Variants in ADCY2 observed in about 807,000 individuals in gnomAD.
ADCY2 encodes adenylate cyclase type 2.
ADCY2 carries 31 observed loss-of-function variants against 125.2 expected under a neutral mutation model. The ratio of observed to expected loss-of-function variants is 0.25; its 90% confidence interval spans 0.19 to 0.33. ADCY2 has a LOEUF of 0.33. Ranked by LOEUF, ADCY2 falls within the 10% of genes least tolerant of loss-of-function variation. The probability of loss-of-function intolerance (pLI) is 1.00; values close to 1 mark genes in which losing one functional copy is unlikely to be tolerated. For missense variants in ADCY2, 904 were observed against 1,418.2 expected (o/e 0.64, Z 5.82); for synonymous variants, 512 against 548.4 (o/e 0.93, Z 0.93).
intron 14 of ADCY2, among the ~76,000 whole-genome samples, chr5:7,730,393 A>G (rs1057288423): frequency 5.3e-5 from 8 of 152,176 alleles, no homozygotes; most frequent in African/African-American, 1.7e-4. Flanking sequence ...CTTCAATGTC[A>G]TTATTTCCTA....
chr5:7,596,344 A>T (rs936274264), intron 3 of ADCY2, among the ~76,000 whole-genome samples: 1 of 152,170 alleles, frequency 6.6e-6, no homozygotes, highest in African/African-American at 2.4e-5. Flanking sequence ...GTCCACACGA[A>T]TAAGTATCTC....
rs1305619781 is a variant in ADCY2, at chr5:7,709,295, C to A, written c.1486C>A (p.Arg496=). The change falls in exon 10 of 25, where the codon CGG becomes AGG. Residue 496 remains arginine, a synonymous_variant. Coordinates refer to ENST00000338316, the MANE Select transcript of ADCY2 (RefSeq NM_020546.3). This position sits in a 1 kb window ranked among gnomAD's most constrained non-coding sequence, Gnocchi z 4.4. ...AKMRASVRMT[R]YLESWGAAKP... ...AATGAGGGCCTCGGTCCGCATGACC[C>A]GGTACTTGGAGTCCTGGGGGGCAGC... 6.2e-7 allele frequency: 1 copy of A among 1,613,922 alleles called. No homozygotes were observed. The highest frequency in any genetic ancestry group is 1.1e-5 in the South Asian group (1 of 91,026).
At chr5:7,652,814 A>G (rs926047854) in intron 4 of ADCY2, among the ~76,000 whole-genome samples, 1 of 152,186 alleles carries the variant, frequency 6.6e-6, no homozygotes, top group Non-Finnish European at 1.5e-5. Flanking sequence ...GCCTTCTACA[A>G]AGAGACCCTC....
At chr5:7,652,003 C>T (rs779836945) in intron 4 of ADCY2, among the ~76,000 whole-genome samples, 4 of 152,016 alleles carry the variant, frequency 2.6e-5, no homozygotes, top group Non-Finnish European at 5.9e-5. Context: ...GGGGTTTCAC[C>T]ATGTTGACCA....
rs182607463 is a variant in ADCY2 at position 7,786,852 on chromosome 5, T to C, written c.2469+2403T>C. On this transcript the variant is annotated intron_variant, in intron 19 of 24. Transcript: ENST00000338316. ...CCAACTGCCCTGTACTCCAGCCCAG[T>C]AACTGGTTCTTCTGTCTACGTAGAA... 2.6e-5 allele frequency among the ~76,000 whole-genome samples: 4 copies of C among 152,330 alleles called. No homozygotes were observed. The East Asian group carries it at 7.7e-4, about 29-fold the overall frequency.
chr5:7,465,865 T>C (rs1742095368), intron 2 of ADCY2, among the ~76,000 whole-genome samples: 1 of 152,168 alleles, frequency 6.6e-6, no homozygotes, highest in African/African-American at 2.4e-5. Flanking sequence ...GGGTGTTACA[T>C]TTGCATGTTT....
At chr5:7,546,398 T>A (rs544627639) in intron 3 of ADCY2, among the ~76,000 whole-genome samples, 3 of 152,308 alleles carry the variant, frequency 2.0e-5, no homozygotes, top group South Asian at 2.1e-4. Flanking sequence ...TTCTGTTAAA[T>A]CCTGGTAATA....
chr5:7,625,247 A>G (rs1175890398), intron 3 of ADCY2, among the ~76,000 whole-genome samples: 1 of 152,248 alleles, frequency 6.6e-6, no homozygotes, highest in Admixed American at 6.5e-5. Context: ...AATATTATCT[A>G]AGAATTTAAA....
In ADCY2 at chr5:7,699,176, CA is replaced by C. The variant is rs759455171; in HGVS notation, c.1109+804del. Among the ~76,000 whole-genome samples, 14 of 132,084 alleles carry C rather than the reference CA, an allele frequency of 1.1e-4. No individual in the cohort carries two copies. In the East Asian group the frequency reaches 1.5e-3, roughly 14 times the overall value. 86.7% of individuals were successfully genotyped at this position (132,084 alleles called of 152,430 possible). On this transcript the variant is annotated intron_variant, in intron 7 of 24. Transcript: ENST00000338316. ...GCAGTGGCGGGATCTCGGCTCACTG[CA>C]AGCTCCGCCTCCCGGGTTCACGCCA...
chr5:7,482,644 AAAAGAAATCCTTATATC>A (rs1394568398), intron 2 of ADCY2, among the ~76,000 whole-genome samples: 1 of 151,956 alleles, frequency 6.6e-6, no homozygotes, highest in East Asian at 1.9e-4. Context: ...TTATCCAAGG[AAAAGAAATCCTTATATC>A]AAAGAGATAC....
chr5:7,596,861 T>C (rs1210324898), intron 3 of ADCY2, among the ~76,000 whole-genome samples: 1 of 152,030 alleles, frequency 6.6e-6, no homozygotes, highest in Non-Finnish European at 1.5e-5. Context: ...TAAATTAGAG[T>C]AGTCGTTGTT....
At chr5:7,509,643 T>C (rs905820822) in intron 2 of ADCY2, among the ~76,000 whole-genome samples, 5 of 152,236 alleles carry the variant, frequency 3.3e-5, no homozygotes, top group African/African-American at 1.2e-4. Context: ...CATGATTTGA[T>C]CGTTACTCTT....
At chr5:7,411,296 C>T (rs1739706980) in intron 1 of ADCY2, among the ~76,000 whole-genome samples, 1 of 152,136 alleles carries the variant, frequency 6.6e-6, no homozygotes, top group Non-Finnish European at 1.5e-5. Flanking sequence ...TCTGGCTCAC[C>T]CTCTGAGGTG....
chr5:7,664,562 G>T lies in ADCY2; in HGVS notation c.721-26129G>T, dbSNP rs540178188. On this transcript the variant is annotated intron_variant, in intron 4 of 24. Transcript: ENST00000338316. ...CAAACCATACATTCTCATCACATGG[G>T]TTTTCTGTGACCCTGTATATCATGA... is the stretch of plus-strand genomic sequence containing the variant. 1.9e-4 allele frequency among the ~76,000 whole-genome samples: 29 copies of T among 152,238 alleles called. No individual in the cohort carries two copies. The South Asian group carries it at 2.5e-3, about 13-fold the overall frequency.
intron 3 of ADCY2, among the ~76,000 whole-genome samples, chr5:7,566,507 AAGAG>A (rs1205410084): frequency 6.6e-6 from 1 of 151,520 alleles, no homozygotes; most frequent in Admixed American, 6.6e-5. Context: ...TAAAAAGAGA[AAGAG>A]AGAGAGAGAG....
intron 1 of ADCY2, among the ~76,000 whole-genome samples, chr5:7,412,639 A>T (rs1323346911): frequency 1.3e-5 from 2 of 152,250 alleles, no homozygotes; most frequent in Non-Finnish European, 2.9e-5. Flanking sequence ...GAAAAAGAAC[A>T]TCTCATTTGA....
intron 2 of ADCY2, among the ~76,000 whole-genome samples, chr5:7,466,746 A>G (rs1417351102): frequency 1.3e-5 from 2 of 152,190 alleles, no homozygotes; most frequent in Non-Finnish European, 2.9e-5. Flanking sequence ...CATCATTTCA[A>G]ATTGAATCAG....
intron 3 of ADCY2, among the ~76,000 whole-genome samples, chr5:7,539,974 A>C (rs866886522): frequency 5.3e-5 from 8 of 152,240 alleles, no homozygotes; most frequent in Admixed American, 6.5e-5. Context: ...ATTGTTTCAA[A>C]AACTTATAAT....
intron 2 of ADCY2, among the ~76,000 whole-genome samples, chr5:7,473,948 T>C (rs1342194631): frequency 1.3e-5 from 2 of 152,220 alleles, no homozygotes; most frequent in African/African-American, 4.8e-5. Context: ...CTTACCTGCC[T>C]GCATGGTGGC....
Sources: allele counts gnomAD v4.1 joint callset (sites outside exome capture counted in the v4.1 genomes callset), GRCh38; gene constraint gnomAD v4.1.1; non-coding constraint Gnocchi (gnomAD v3.1); transcripts MANE v1.5; gene names NCBI Gene and HGNC (gene_info 2026-07-23, HGNC 2026-07-21).